CEP85L: variants seen among roughly 807,000 people sequenced by gnomAD.
The protein encoded by CEP85L is centrosomal protein of 85 kDa-like.
Under a neutral mutation model 100.3 loss-of-function variants are expected in CEP85L, and 60 were observed. The observed-to-expected ratio is 0.60, with a 90% CI of 0.49 to 0.74. CEP85L has a LOEUF of 0.74. Among genes scored for constraint, CEP85L ranks in the 30% least tolerant of loss-of-function variants. The pLI is 0.00. For missense variants in CEP85L, 973 were observed against 936.2 expected, an observed-to-expected ratio of 1.04 and a Z score of -0.51; for synonymous variants, 319 against 322.7, an observed-to-expected ratio of 0.99 and a Z score of 0.12.
At chr6:118,489,337 T>A (rs1202351022) in intron 6 of CEP85L, among the ~76,000 whole-genome samples, 1 of 150,294 alleles carries the variant, frequency 6.7e-6, no homozygotes. Context: ...GATATTATAG[T>A]TGATTACCTA....
intron 2 of CEP85L, among the ~76,000 whole-genome samples, chr6:118,598,199 G>A (rs1342178263): frequency 3.9e-5 from 6 of 152,252 alleles, no homozygotes; most frequent in Middle Eastern, 6.8e-3. Flanking sequence ...GTTTATTAAT[G>A]AGACCAAACA....
At chr6:118,614,901 T>C (rs1314693679) in intron 2 of CEP85L, among the ~76,000 whole-genome samples, 1 of 151,972 alleles carries the variant, frequency 6.6e-6, no homozygotes, top group South Asian at 2.1e-4. Flanking sequence ...GATAGATAGA[T>C]AGATAGATTT....
chr6:118,529,795 C>T (rs1462640522), intron 3 of CEP85L, among the ~76,000 whole-genome samples: 2 of 151,928 alleles, frequency 1.3e-5, no homozygotes, highest in Non-Finnish European at 2.9e-5. Flanking sequence ...AGCTTTAGTA[C>T]ATTAATATAT....
At chr6:118,523,036 T>A (rs1007151123) in intron 4 of CEP85L, among the ~76,000 whole-genome samples, 4 of 152,198 alleles carry the variant, frequency 2.6e-5, no homozygotes, top group Non-Finnish European at 5.9e-5. Context: ...GAAATTAGAA[T>A]TTTAAGGCTA....
chr6:118,596,595 CTAAA>C (rs1781468143), intron 2 of CEP85L, among the ~76,000 whole-genome samples: 2 of 152,056 alleles, frequency 1.3e-5, no homozygotes, highest in African/African-American at 4.8e-5. Flanking sequence ...GGCTTTCCTT[CTAAA>C]TAGTCTTTAT....
chr6:118,637,842 A>C (rs1476397619), intron 1 of CEP85L, among the ~76,000 whole-genome samples: 1 of 152,130 alleles, frequency 6.6e-6, no homozygotes, highest in African/African-American at 2.4e-5. Flanking sequence ...ATAAATACTA[A>C]ATGGTTTAGT....
chr6:118,679,320 A>T (rs1776576252), intron 1 of CEP85L, among the ~76,000 whole-genome samples: 1 of 152,218 alleles, frequency 6.6e-6, no homozygotes, highest in Admixed American at 6.5e-5. Context: ...GAAGAAAAAA[A>T]GAATGAACAA....
chr6:118,669,447 T>G (rs543518624), intron 1 of CEP85L, among the ~76,000 whole-genome samples: 4 of 152,142 alleles, frequency 2.6e-5, no homozygotes, highest in Non-Finnish European at 5.9e-5. Flanking sequence ...CCCACCCCCT[T>G]GCCCTTCCTT....
At chr6:118,492,130 T>C (rs1774619179) in intron 5 of CEP85L, among the ~76,000 whole-genome samples, 1 of 152,088 alleles carries the variant, frequency 6.6e-6, no homozygotes, top group African/African-American at 2.4e-5. Flanking sequence ...AGATAAAGTA[T>C]GTAAGGTTTC....
intron 1 of CEP85L, among the ~76,000 whole-genome samples, chr6:118,672,139 C>T (rs540950411): frequency 9.9e-5 from 15 of 152,192 alleles, no homozygotes; most frequent in African/African-American, 3.4e-4. Flanking sequence ...TGGGCTCAAG[C>T]GATTCTCCTG....
At chr6:118,506,927 T>C (rs1481509201) in intron 5 of CEP85L, among the ~76,000 whole-genome samples, 1 of 152,174 alleles carries the variant, frequency 6.6e-6, no homozygotes, top group Non-Finnish European at 1.5e-5. Context: ...CAAGTTGTGC[T>C]CTTCTGCTAC....
intron 11 of CEP85L, 72 bp downstream of exon 11, chr6:118,470,465 A>T: frequency 1.2e-6 from 1 of 800,556 alleles, no homozygotes; most frequent in Non-Finnish European, 2.0e-6. Context: ...AAAATGCTCT[A>T]TTAATATCTA....
chr6:118,581,921 T>C (rs970373520), intron 2 of CEP85L, among the ~76,000 whole-genome samples: 1 of 151,932 alleles, frequency 6.6e-6, no homozygotes, highest in African/African-American at 2.4e-5. Context: ...TATCCAACAG[T>C]TAGATCTTTT....
rs527886960 is a variant in CEP85L, at chr6:118,521,979, C to A, written c.1139+1823G>T. Among the ~76,000 whole-genome samples, 31 of 150,190 alleles carry A rather than the reference C, an allele frequency of 2.1e-4. 1 individual carries two copies. The South Asian group carries it at 2.3e-3, about 11-fold the overall frequency. ...AACTTATATCCAATGGAATGGTATTCAAAAAAAAATAACATCAACTGATTT... is the reference window on the plus strand; with the variant it reads ...AACTTATATCCAATGGAATGGTATTAAAAAAAAAATAACATCAACTGATTT... On this transcript the variant is annotated intron_variant, in intron 4 of 12. Transcript: ENST00000368491.
chr6:118,631,744 G>GA lies in CEP85L; in HGVS notation c.232+708dup, dbSNP rs530657029. Among the ~76,000 whole-genome samples the GA allele has an allele frequency of 2.5e-4, 38 of 152,178 alleles. No homozygotes were observed. The South Asian group carries it at 7.5e-3, about 30-fold the overall frequency. ...ATGATTCCATTTATAAAGTATTCTT[G>GA]AAAAACAAAACTATAGAAATGGAGA... On this transcript the variant is annotated intron_variant, in intron 2 of 12. Transcript: ENST00000368491.
rs1486010269 is a variant in CEP85L, at chr6:118,517,788, G to A, written c.1139+6014C>T. Among the ~76,000 whole-genome samples, 3 of 152,206 alleles carry A rather than the reference G, an allele frequency of 2.0e-5. No homozygotes were observed. The East Asian group carries it at 5.8e-4, about 29-fold the overall frequency. ...CCAATGCTATGTTGAAGAGGAGTGT[G>A]AGAGAGGGCATCCTTGTCTTGTGCC... On this transcript the variant is annotated intron_variant, in intron 4 of 12. Coordinates refer to ENST00000368491, the MANE Select transcript of CEP85L (RefSeq NM_001042475.3).
chr6:118,586,895 G>T (rs908130712), intron 2 of CEP85L, among the ~76,000 whole-genome samples: 1 of 152,174 alleles, frequency 6.6e-6, no homozygotes, highest in African/African-American at 2.4e-5. Context: ...AGGGTGGAAT[G>T]TCAGAGAGAG....
chr6:118,688,225 T>C (rs1776904291), intron 1 of CEP85L, among the ~76,000 whole-genome samples: 1 of 152,160 alleles, frequency 6.6e-6, no homozygotes, highest in East Asian at 1.9e-4. Flanking sequence ...GGTCTTGAAC[T>C]CCTGACCTCA....
chr6:118,575,404 T>C (rs1327799443), intron 2 of CEP85L, among the ~76,000 whole-genome samples: 4 of 152,210 alleles, frequency 2.6e-5, no homozygotes, highest in Admixed American at 6.5e-5. Flanking sequence ...CAACTTTTAA[T>C]AGAATATGTC....
Sources: gnomAD v4.1 joint callset for allele counts (sites outside exome capture counted in the v4.1 genomes callset) on GRCh38, gnomAD v4.1.1 for gene constraint, MANE v1.5 for transcripts, NCBI Gene and HGNC (gene_info 2026-07-23, HGNC 2026-07-21) for gene names.